Variants in CHP2 observed in about 807,000 individuals in gnomAD.
CHP2 encodes calcineurin B homologous protein 2.
CHP2 carries 31 observed loss-of-function variants against 24.7 expected under a neutral mutation model. The observed-to-expected ratio is 1.26, with a 90% CI of 0.94 to 1.69. CHP2 has a LOEUF of 1.69. CHP2 is among the 40% of genes most tolerant of loss of function. The probability of loss-of-function intolerance (pLI) is 0.00; values close to 1 mark genes in which losing one functional copy is unlikely to be tolerated. For missense variants in CHP2, 319 were observed against 261.5 expected (o/e 1.22, Z -1.52); for synonymous variants, 97 against 99.1 (o/e 0.98, Z 0.13).
intron 1 of CHP2, 160 bp from the exon 2 acceptor site, chr16:23,755,501 T>C: frequency 1.5e-6 from 1 of 656,702 alleles, no homozygotes; most frequent in Admixed American, 2.5e-5. Context: ...GTCGTGTCAC[T>C]CTCCCTCCGC....
At position 23,755,869 on chromosome 16, in the gene CHP2, G is replaced by A. The variant is rs1306741446; in HGVS notation, c.163G>A (p.Gly55Arg). Residue 55 changes from glycine (G) to arginine (R), a missense_variant, in exon 3 of 7, where the codon GGG becomes AGG. Gly to Arg is a moderately radical substitution (Grantham distance 125). Transcript: ENST00000300113. ...YLSRMDLQQI[G>R]ALAVNPLGDR... Reference sequence around the variant, plus strand: ...CAGCCGCATGGATCTCCAGCAGATAGGGGCGCTCGCCGTGAACCCCCTGGG... The same window carrying A: ...CAGCCGCATGGATCTCCAGCAGATAAGGGCGCTCGCCGTGAACCCCCTGGG... The A allele has an allele frequency of 6.2e-7, 1 of 1,614,228 alleles. No homozygotes were observed. The highest frequency in any genetic ancestry group is 1.7e-5 in the Admixed American group (1 of 60,030).
chr16:23,755,603 G>A, intron 1 of CHP2, 58 bp from the exon 2 acceptor site: 1 of 1,475,890 alleles, frequency 6.8e-7, no homozygotes, highest in Admixed American at 1.7e-5. Flanking sequence ...TGTTGGGGCG[G>A]GTTTCTGGAG....
rs754603057 is a variant in CHP2, at chr16:23,757,396, C to T, written c.537+73C>T. The T allele has an allele frequency of 3.7e-4, 586 of 1,588,200 alleles. 1 individual carries two copies. Among genetic ancestry groups the T allele is most frequent in the Non-Finnish European group, 4.9e-4 (567 of 1,161,568 alleles). The stretch of plus-strand genomic sequence containing the variant: ...GCAGACAGACTTGGGAAACGTTCAA[C>T]GGAGGAGGGCGGAAAGATAGGGGTT... On this transcript the variant is annotated intron_variant, in intron 6 of 6. Coordinates refer to ENST00000300113, the MANE Select transcript of CHP2 (RefSeq NM_022097.4).
chr16:23,755,687 C>A lies in CHP2; in HGVS notation c.94C>A (p.His32Asn). 1 of 1,614,140 alleles carries A rather than the reference C, an allele frequency of 6.2e-7. No homozygotes were observed. Among genetic ancestry groups the A allele is most frequent in the Non-Finnish European group, 8.5e-7 (1 of 1,180,030 alleles). The part of the protein sequence containing the change: ...GFSQASLLRL[H>N]HRFRALDRNK... ...CTCCCAAGCCAGCCTGCTCCGCCTG[C>A]ACCACCGGTTCCGGGCACTGGACAG... Residue 32 changes from histidine (H) to asparagine (N), a missense_variant, in exon 2 of 7, where the codon CAC (histidine) becomes AAC (asparagine). By Grantham distance (68) the His-to-Asn change is moderately conservative (BLOSUM62 1). Transcript: ENST00000300113.
At chr16:23,757,104 G>A in intron 5 of CHP2, 97 bp from the exon 6 acceptor site, 1 of 1,373,500 alleles carries the variant, frequency 7.3e-7, no homozygotes, top group Non-Finnish European at 1.0e-6. Flanking sequence ...TATAAAATTA[G>A]CAATAACTTT....
At position 23,755,124 on chromosome 16, in the gene CHP2, C is replaced by A; in HGVS notation, c.67+8C>A. On this transcript the variant is annotated splice_region_variant and intron_variant, in intron 1 of 6. Transcript: ENST00000300113. ...TTCGGCGAGAGACCGGCTGTGAGTG[C>A]GCCCGCGTCGGCGGCTGCGGAGGGG... The A allele has an allele frequency of 1.3e-6, 2 of 1,594,460 alleles. No homozygotes were observed. Among genetic ancestry groups the A allele is most frequent in the South Asian group, 2.2e-5 (2 of 90,030 alleles).
Position 23,755,058 on chromosome 16 carries a change from G to T in CHP2, c.9G>T (p.Ser3=). 1 of 1,595,770 alleles carries T rather than the reference G, an allele frequency of 6.3e-7. No individual in the cohort carries two copies. The highest frequency in any genetic ancestry group is 8.5e-7 in the Non-Finnish European group (1 of 1,174,660). The stretch of plus-strand genomic sequence containing the variant: ...CCGCCTCCAGCTCGGCCATGGGGTC[G>T]CGCAGCTCCCACGCCGCGGTCATTC... MG[S]RSSHAAVIPD... Residue 3 remains serine, a synonymous_variant, in exon 1 of 7, where the codon TCG becomes TCT. Coordinates refer to ENST00000300113, the MANE Select transcript of CHP2 (RefSeq NM_022097.4).
Position 23,757,654 on chromosome 16 carries a change from G to T in CHP2, c.*71G>T. On this transcript the variant is annotated 3_prime_UTR_variant, in exon 7 of 7. Transcript: ENST00000300113. ...GAATTCATCCAAAGCCCCCATGGAC[G>T]CATGGACGCAGGGCGACAATAAACT... The T allele has an allele frequency of 7.7e-7, 1 of 1,291,450 alleles. No individual in the cohort carries two copies. Among genetic ancestry groups the T allele is most frequent in the Admixed American group, 1.7e-5 (1 of 59,554 alleles). 80.0% of individuals were successfully genotyped at this position (1,291,450 alleles called of 1,614,324 possible). A position where few individuals can be genotyped will look rare whatever the true frequency, so the allele number is the denominator to read the frequency against.
chr16:23,757,404 G>A (rs1841198495), intron 6 of CHP2, 81 bp downstream of exon 6: 2 of 1,591,698 alleles, frequency 1.3e-6, no homozygotes, highest in Non-Finnish European at 1.7e-6. Flanking sequence ...AACGGAGGAG[G>A]GCGGAAAGAT....
intron 4 of CHP2, 79 bp from the exon 5 acceptor site, chr16:23,756,309 G>A (rs374247285): frequency 1.9e-6 from 3 of 1,587,320 alleles, no homozygotes. Context: ...CCTCCTCCAA[G>A]GTGGGGGGAA....
intron 1 of CHP2, 49 bp downstream of exon 1, chr16:23,755,165 G>C (rs370958610): frequency 2.3e-5 from 32 of 1,401,150 alleles, no homozygotes; most frequent in Non-Finnish European, 3.1e-5. Context: ...GCGAACCCAG[G>C]CGTCTGGGGC....
chr16:23,755,549 C>A, intron 1 of CHP2, 112 bp from the exon 2 acceptor site: 1 of 897,422 alleles, frequency 1.1e-6, no homozygotes, highest in Non-Finnish European at 1.8e-6. Flanking sequence ...GGGATGATCG[C>A]CCCTTCCAGC....
In CHP2 at chr16:23,757,678, CT is replaced by C; in HGVS notation, c.*96del. ...CGCATGGACGCAGGGCGACAATAAA[CT>C]GTATTTTCGTTTCTAACTCTATTTA... On this transcript the variant is annotated 3_prime_UTR_variant, in exon 7 of 7. Transcript: ENST00000300113. 2 of 1,109,018 alleles carry C rather than the reference CT, an allele frequency of 1.8e-6. No homozygotes were observed. Among genetic ancestry groups the C allele is most frequent in the Non-Finnish European group, 2.8e-6 (2 of 719,786 alleles). 68.7% of individuals were successfully genotyped at this position (1,109,018 alleles called of 1,614,324 possible). A position where few individuals can be genotyped will look rare whatever the true frequency, so the allele number is the denominator to read the frequency against.
rs760542375 is a variant in CHP2, at chr16:23,755,030, C to T, written c.-20C>T. 2.5e-6 allele frequency: 4 copies of T among 1,572,288 alleles called. No individual in the cohort carries two copies. The South Asian group carries it at 3.4e-5, about 13-fold the overall frequency. On this transcript the variant is annotated 5_prime_UTR_variant, in exon 1 of 7. Transcript: ENST00000300113. ...GTGGGTCCGGGTGGCTGCTCCGGCC[C>T]TTCCGCCTCCAGCTCGGCCATGGGG...
chr16:23,755,854 G>C lies in CHP2; in HGVS notation c.148G>C (p.Asp50His), dbSNP rs1339686013. Residue 50 changes from aspartate to histidine, a missense_variant, in exon 3 of 7, where the codon GAT becomes CAT. Transcript: ENST00000300113. Reference sequence around the variant, plus strand: ...TGAAATTTGGCTTTGCAGCCGCATGGATCTCCAGCAGATAGGGGCGCTCGC... The same window carrying C: ...TGAAATTTGGCTTTGCAGCCGCATGCATCTCCAGCAGATAGGGGCGCTCGC... ...RNKKGYLSRM[D>H]LQQIGALAVN... is the part of the protein sequence containing the mutation. The C allele has an allele frequency of 6.2e-7, 1 of 1,614,196 alleles. No individual in the cohort carries two copies. The highest frequency in any genetic ancestry group is 8.5e-7 in the Non-Finnish European group (1 of 1,180,044).
At position 23,756,043 on chromosome 16, in the gene CHP2, AT is replaced by A; in HGVS notation, c.222-18del. 1 of 1,613,912 alleles carries A rather than the reference AT, an allele frequency of 6.2e-7. No individual in the cohort carries two copies. Among genetic ancestry groups the A allele is most frequent in the Non-Finnish European group, 8.5e-7 (1 of 1,179,912 alleles). On this transcript the variant is annotated intron_variant, in intron 3 of 6. Transcript: ENST00000300113. ...GCCAAGGTGACCACCACCTCTTTCC[AT>A]TCTGTCCCGTCTCCCCAGGAGCCAG...
At chr16:23,757,067 A>G (rs1961235264) in intron 5 of CHP2, 134 bp from the exon 6 acceptor site, 2 of 975,880 alleles carry the variant, frequency 2.0e-6, no homozygotes, top group East Asian at 2.5e-5. Context: ...ATTGGGGGAT[A>G]TGGTGAAAAA....
chr16:23,756,306 CA>C (rs1332615158), intron 4 of CHP2, 81 bp from the exon 5 acceptor site: 1 of 1,569,088 alleles, frequency 6.4e-7, no homozygotes, highest in Non-Finnish European at 8.8e-7. Context: ...CCCCCTCCTC[CA>C]AGGTGGGGGG....
In CHP2 at chr16:23,757,548, G is replaced by A. The variant is rs149498782; in HGVS notation, c.556G>A (p.Val186Ile). ...CCCTCAGTCCTTAGAGAAGATGGACGTTGAGCAAAAAATGAGCATCCGGAT... is the reference window on the plus strand; with the variant it reads ...CCCTCAGTCCTTAGAGAAGATGGACATTGAGCAAAAAATGAGCATCCGGAT... Reference protein sequence around the residue: ...EFTKSLEKMDVEQKMSIRILK With the variant: ...EFTKSLEKMDIEQKMSIRILK Residue 186 changes from valine (V) to isoleucine (I), a missense_variant, in exon 7 of 7, where the codon GTT (valine) becomes ATT (isoleucine). Transcript: ENST00000300113. 319 of 1,613,910 alleles carry A rather than the reference G, an allele frequency of 2.0e-4. 1 individual carries two copies. Among genetic ancestry groups the A allele is most frequent in the Middle Eastern group, 4.9e-4 (3 of 6,070 alleles).
Sources: gnomAD v4.1 joint callset for allele counts on GRCh38, gnomAD v4.1.1 for gene constraint, MANE v1.5 for transcripts, NCBI Gene and HGNC (gene_info 2026-07-23, HGNC 2026-07-21) for gene names.